ONECUT2: variants seen among roughly 807,000 people sequenced by gnomAD.
The protein encoded by ONECUT2 is one cut homeobox 2.
Under a neutral mutation model 27.9 loss-of-function variants are expected in ONECUT2, and 10 were observed. The ratio of observed to expected loss-of-function variants is 0.36; its 90% CI spans 0.22 to 0.61. The LOEUF (loss-of-function observed/expected upper bound fraction) is 0.61. ONECUT2 is among the 20% of genes least tolerant of loss of function. The pLI is 0.73. For missense variants in ONECUT2, 686 were observed against 721.0 expected (o/e 0.95, Z 0.56); for synonymous variants, 334 against 315.1 (o/e 1.06, Z -0.64).
rs1263118674 is a variant in ONECUT2 at position 57,478,014 on chromosome 18, T to G, written c.*1291T>G. The G allele has an allele frequency of 6.6e-6, 1 of 152,664 alleles. No individual in the cohort carries two copies. The highest frequency in any genetic ancestry group is 1.5e-5 in the Non-Finnish European group (1 of 68,040). 9.5% of individuals were successfully genotyped at this position (152,664 alleles called of 1,614,324 possible). A position where few individuals can be genotyped will look rare whatever the true frequency, so the allele number is the denominator to read the frequency against. On this transcript the variant is annotated 3_prime_UTR_variant, in exon 2 of 2. Transcript: ENST00000491143. ...ACAGCACACCAAAGAAGCAGAATAC[T>G]GCAAACCAAAGACATTTATGACTTG...
intron 1 of ONECUT2, among the ~76,000 whole-genome samples, chr18:57,443,930 C>T (rs1340312065): frequency 1.3e-5 from 2 of 152,350 alleles, no homozygotes; most frequent in South Asian, 2.1e-4. Flanking sequence ...GTTGGAAGCA[C>T]ACCTCCAATG....
intron 1 of ONECUT2, among the ~76,000 whole-genome samples, chr18:57,467,532 A>ATT (rs34989361): frequency 6.6e-5 from 10 of 151,350 alleles, no homozygotes; most frequent in South Asian, 2.1e-4. Flanking sequence ...CACTTGGCTA[A>ATT]TTTTTTTTAT....
At chr18:57,466,470 G>A (rs2050321854) in intron 1 of ONECUT2, among the ~76,000 whole-genome samples, 1 of 152,234 alleles carries the variant, frequency 6.6e-6, no homozygotes, top group Non-Finnish European at 1.5e-5. Context: ...TTTTAAGCCA[G>A]ATGTTTGTAT....
Position 57,462,723 on chromosome 18 carries a change from C to CTTTTTTT in ONECUT2, c.1229-13695_1229-13689dup, listed in dbSNP as rs57032206. Reference sequence around the variant, plus strand: ...AGAATTACCCTATGTTATTTTCTTTCTTTTTTTTTTTTTTTTTTTTTTTTT... The same window carrying CTTTTTTT: ...AGAATTACCCTATGTTATTTTCTTTCTTTTTTTTTTTTTTTTTTTTTTTTTTTTTTTT... On this transcript the variant is annotated intron_variant, in intron 1 of 1. Coordinates refer to ENST00000491143, the MANE Select transcript of ONECUT2 (RefSeq NM_004852.3). 3.9e-4 allele frequency among the ~76,000 whole-genome samples: 27 copies of CTTTTTTT among 68,996 alleles called. 2 individuals are homozygous for CTTTTTTT. The highest frequency in any genetic ancestry group is 8.3e-4 in the African/African-American group (14 of 16,836). 45.3% of individuals were successfully genotyped at this position (68,996 alleles called of 152,430 possible).
At chr18:57,462,338 T>C (rs2050296606) in intron 1 of ONECUT2, among the ~76,000 whole-genome samples, 2 of 152,252 alleles carry the variant, frequency 1.3e-5, no homozygotes, top group South Asian at 4.1e-4. Context: ...GTTTAAGATA[T>C]CTGTGGCTCT....
chr18:57,462,067 G>A (rs1478660870), intron 1 of ONECUT2, among the ~76,000 whole-genome samples: 1 of 152,246 alleles, frequency 6.6e-6, no homozygotes, highest in East Asian at 1.9e-4. Context: ...ACTCCCGCAA[G>A]GCTGTGTCCT....
At position 57,436,731 on chromosome 18, in the gene ONECUT2, G is replaced by T. The variant is rs766552386; in HGVS notation, c.1015G>T (p.Ala339Ser). The stretch of plus-strand genomic sequence containing the variant: ...GGAAGAAATCAACACCAAAGAGGTG[G>T]CCCAGCGCATCACAGCGGAGCTGAA... Reference protein sequence around the residue: ...QLEEINTKEVAQRITAELKRY... With the variant: ...QLEEINTKEVSQRITAELKRY... The change falls in exon 1 of 2, where the codon GCC becomes TCC. Residue 339 changes from alanine (A) to serine (S), a missense_variant. Around this residue, in one of 4 missense-constraint regions of ONECUT2, gnomAD observed 47 missense variants for 86.0 expected, o/e 0.55. Transcript: ENST00000491143. This position sits in a 1 kb window ranked among gnomAD's most constrained non-coding sequence, Gnocchi z 5.9. 14 of 1,613,788 alleles carry T rather than the reference G, an allele frequency of 8.7e-6. No individual in the cohort carries two copies. Among genetic ancestry groups the T allele is most frequent in the Admixed American group, 3.3e-5 (2 of 60,008 alleles).
At chr18:57,458,689 A>T (rs893422500) in intron 1 of ONECUT2, among the ~76,000 whole-genome samples, 1 of 152,098 alleles carries the variant, frequency 6.6e-6, no homozygotes, top group African/African-American at 2.4e-5. Context: ...ATGAGTGAAC[A>T]TCCTTGTACA....
chr18:57,469,262 G>A (rs1189746072), intron 1 of ONECUT2, among the ~76,000 whole-genome samples: 2 of 152,128 alleles, frequency 1.3e-5, no homozygotes, highest in Non-Finnish European at 2.9e-5. Flanking sequence ...AAGCGAAAAG[G>A]CCTCTTCTGC....
rs2050464172 is a variant in ONECUT2 at position 57,491,222 on chromosome 18, T to C, written c.*14499T>C. ...AACATCGCTTACACTGGATTCTTTC[T>C]ATTTTTATTCCTATCATTAAATGGT... On this transcript the variant is annotated 3_prime_UTR_variant, in exon 2 of 2. Coordinates refer to ENST00000491143, the MANE Select transcript of ONECUT2 (RefSeq NM_004852.3). 6.6e-6 allele frequency: 1 copy of C among 152,206 alleles called. No homozygotes were observed. Among genetic ancestry groups the C allele is most frequent in the South Asian group, 2.1e-4 (1 of 4,782 alleles). 9.4% of individuals were successfully genotyped at this position (152,206 alleles called of 1,614,324 possible).
At chr18:57,463,841 C>G (rs1598939448) in intron 1 of ONECUT2, among the ~76,000 whole-genome samples, 1 of 152,138 alleles carries the variant, frequency 6.6e-6, no homozygotes, top group East Asian at 1.9e-4. Flanking sequence ...CTAATTCTAA[C>G]AGTTCATTGT....
chr18:57,440,306 A>C (rs1459148131), intron 1 of ONECUT2, among the ~76,000 whole-genome samples: 1 of 152,216 alleles, frequency 6.6e-6, no homozygotes, highest in Non-Finnish European at 1.5e-5. Context: ...AACCAAGCAC[A>C]AACAAGAAGG....
At chr18:57,437,043 C>T (rs2050146668) in intron 1 of ONECUT2, 99 bp downstream of exon 1, 1 of 1,455,120 alleles carries the variant, frequency 6.9e-7, no homozygotes, top group African/African-American at 1.4e-5. Flanking sequence ...TCTCTTGATT[C>T]TTTCCTTCTC....
At position 57,470,936 on chromosome 18, in the gene ONECUT2, CTT is replaced by C. The variant is rs1193111481; in HGVS notation, c.1229-5498_1229-5497del. Reference sequence around the variant, plus strand: ...TGCTCAGCATCCAAATATCCAAAGACTTTTGTTACTAGAAGGAAAACGCACGA... The same window carrying C: ...TGCTCAGCATCCAAATATCCAAAGACTTGTTACTAGAAGGAAAACGCACGA... On this transcript the variant is annotated intron_variant, in intron 1 of 1. Transcript: ENST00000491143. Among the ~76,000 whole-genome samples the C allele has an allele frequency of 3.3e-5, 5 of 152,306 alleles. No homozygotes were observed. In the East Asian group the frequency reaches 7.7e-4, roughly 24 times the overall value.
chr18:57,460,458 A>G (rs768091828), intron 1 of ONECUT2, among the ~76,000 whole-genome samples: 2 of 151,892 alleles, frequency 1.3e-5, no homozygotes, highest in Non-Finnish European at 2.9e-5. Flanking sequence ...TGTTCCATGG[A>G]TCTATTAAAT....
At position 57,436,955 on chromosome 18, in the gene ONECUT2, G is replaced by T; in HGVS notation, c.1228+11G>T. 6.4e-7 allele frequency: 1 copy of T among 1,571,114 alleles called. No individual in the cohort carries two copies. Among genetic ancestry groups the T allele is most frequent in the East Asian group, 2.4e-5 (1 of 42,254 alleles). On this transcript the variant is annotated intron_variant, in intron 1 of 1. Coordinates refer to ENST00000491143, the MANE Select transcript of ONECUT2 (RefSeq NM_004852.3). The surrounding 1 kb of genome is among the most constrained non-coding windows in gnomAD (Gnocchi z 5.9). ...CCTTACGCCTGGCAGGTAAGGCCGG[G>T]GCTAGCCAGGGGCCAGGCTGCTGGG... is the stretch of plus-strand genomic sequence containing the variant.
chr18:57,481,895 T>G lies in ONECUT2; in HGVS notation c.*5172T>G, dbSNP rs34388186. ...TTCGTAACAGGTTAGAGCTGACTTTTTGTTTTTGTTGTTGCTGATGCTGTG... is the reference window on the plus strand; with the variant it reads ...TTCGTAACAGGTTAGAGCTGACTTTGTGTTTTTGTTGTTGCTGATGCTGTG... On this transcript the variant is annotated 3_prime_UTR_variant, in exon 2 of 2. Transcript: ENST00000491143. The G allele has an allele frequency of 0.049, 7,530 of 152,280 alleles. 717 individuals carry two copies. Among genetic ancestry groups the G allele is most frequent in the East Asian group, 0.37 (1,914 of 5,164 alleles). 9.4% of individuals were successfully genotyped at this position (152,280 alleles called of 1,614,324 possible). A position where few individuals can be genotyped will look rare whatever the true frequency, so the allele number is the denominator to read the frequency against.
rs1157399191 is a variant in ONECUT2, at chr18:57,480,823, T to C, written c.*4100T>C. ...ATAGAATTTAACCCAGTGAGTTTAC[T>C]CAAGGATTTTTAAATTTAAGTTAAT... is the stretch of plus-strand genomic sequence containing the variant. On this transcript the variant is annotated 3_prime_UTR_variant, in exon 2 of 2. Transcript: ENST00000491143. 1 of 152,230 alleles carries C rather than the reference T, an allele frequency of 6.6e-6. No individual in the cohort carries two copies. The highest frequency in any genetic ancestry group is 1.5e-5 in the Non-Finnish European group (1 of 68,050). 9.4% of individuals were successfully genotyped at this position (152,230 alleles called of 1,614,324 possible).
chr18:57,473,113 A>G (rs2050363026), intron 1 of ONECUT2, among the ~76,000 whole-genome samples: 1 of 152,204 alleles, frequency 6.6e-6, no homozygotes, highest in Admixed American at 6.5e-5. Flanking sequence ...AGAAGCACAG[A>G]TTCCAGAACC....
Sources: allele counts gnomAD v4.1 joint callset (sites outside exome capture counted in the v4.1 genomes callset), GRCh38; gene constraint gnomAD v4.1.1; regional missense constraint gnomAD v4.1.1; non-coding constraint Gnocchi (gnomAD v3.1); transcripts MANE v1.5; gene names NCBI Gene and HGNC (gene_info 2026-07-23, HGNC 2026-07-21).